JAKMIP2: variants seen among roughly 807,000 people sequenced by gnomAD.
JAKMIP2 encodes janus kinase and microtubule interacting protein 2.
Under a neutral mutation model 115.0 loss-of-function variants are expected in JAKMIP2, and 25 were observed. That is an observed-to-expected ratio of 0.22 (90% CI 0.16 to 0.30). The LOEUF (loss-of-function observed/expected upper bound fraction) is 0.30, where lower values mean the gene tolerates loss of function less well. Among genes scored for constraint, JAKMIP2 ranks in the 10% least tolerant of loss-of-function variants. The pLI is 1.00. For missense variants in JAKMIP2, 642 were observed against 957.6 expected, an observed-to-expected ratio of 0.67 and a Z score of 4.35; for synonymous variants, 334 against 343.6, an observed-to-expected ratio of 0.97 and a Z score of 0.31.
chr5:147,632,645 G>T lies in JAKMIP2; in HGVS notation c.1776+35C>A, dbSNP rs202019430. ...GTGCTCTGTGCATGTTAATCATTAC[G>T]ATTATTTTTATTATTATCATCATCA... On this transcript the variant is annotated intron_variant, in intron 13 of 21. Transcript: ENST00000616793. 5 of 1,316,426 alleles carry T rather than the reference G, an allele frequency of 3.8e-6. No homozygotes were observed. The South Asian group carries it at 4.8e-5, about 13-fold the overall frequency. The allele number at this position is 1,316,426 out of a possible 1,614,324, so 81.5% of individuals were successfully genotyped here. A position where few individuals can be genotyped will look rare whatever the true frequency, so the allele number is the denominator to read the frequency against.
intron 1 of JAKMIP2, among the ~76,000 whole-genome samples, chr5:147,684,741 G>A (rs917370629): frequency 6.6e-6 from 1 of 152,130 alleles, no homozygotes; most frequent in Admixed American, 6.5e-5. Flanking sequence ...GAAGAGGCAC[G>A]CTCTATTTTT....
intron 2 of JAKMIP2, among the ~76,000 whole-genome samples, chr5:147,664,145 C>T (rs1009138960): frequency 1.3e-4 from 20 of 152,236 alleles, no homozygotes; most frequent in African/African-American, 4.6e-4. Flanking sequence ...ATTTTAAATT[C>T]ACAGATATGG....
At chr5:147,649,551 T>C (rs1483616456) in intron 4 of JAKMIP2, among the ~76,000 whole-genome samples, 1 of 152,152 alleles carries the variant, frequency 6.6e-6, no homozygotes, top group Admixed American at 6.6e-5. Context: ...AACTATGCTA[T>C]ATTGCGGGTA....
At chr5:147,754,414 C>G (rs138426602) in intron 1 of JAKMIP2, among the ~76,000 whole-genome samples, 1 of 151,982 alleles carries the variant, frequency 6.6e-6, no homozygotes, top group Non-Finnish European at 1.5e-5. Flanking sequence ...AATAATATAT[C>G]GAGACACATG....
intron 1 of JAKMIP2, among the ~76,000 whole-genome samples, chr5:147,691,190 G>A (rs541607361): frequency 2.9e-4 from 44 of 151,956 alleles, no homozygotes; most frequent in Non-Finnish European, 5.4e-4. Flanking sequence ...AGAAAACACT[G>A]TTACCCATAA....
At chr5:147,731,492 G>C (rs2126969990) in intron 1 of JAKMIP2, among the ~76,000 whole-genome samples, 1 of 152,324 alleles carries the variant, frequency 6.6e-6, no homozygotes, top group East Asian at 1.9e-4. Flanking sequence ...GGCTTTTGCA[G>C]AAGTTGTGAA....
chr5:147,624,023 C>G (rs191292268), intron 16 of JAKMIP2, among the ~76,000 whole-genome samples: 17 of 151,930 alleles, frequency 1.1e-4, no homozygotes, highest in Non-Finnish European at 2.4e-4. Context: ...TTAGTAGAGA[C>G]GGGGTTTCAC....
At chr5:147,593,503 G>A (rs1358275256) in intron 21 of JAKMIP2, among the ~76,000 whole-genome samples, 1 of 152,194 alleles carries the variant, frequency 6.6e-6, no homozygotes, top group African/African-American at 2.4e-5. Flanking sequence ...AAGAGGAAGA[G>A]AAGAGGAAGA....
chr5:147,627,678 TAAAAAAAAAA>T (rs768481105), intron 16 of JAKMIP2, among the ~76,000 whole-genome samples: 1 of 70,322 alleles, frequency 1.4e-5, no homozygotes, highest in Admixed American at 2.3e-4. Context: ...AGCCTTTCTG[TAAAAAAAAAA>T]AAAAAAAAAA....
intron 15 of JAKMIP2, 21 bp from the exon 16 acceptor site, chr5:147,628,837 C>A: frequency 6.3e-7 from 1 of 1,591,878 alleles, no homozygotes. Flanking sequence ...TAAGAAAGGC[C>A]GTCAGCTGAA....
At chr5:147,603,456 AAG>A (rs1317540712) in intron 20 of JAKMIP2, among the ~76,000 whole-genome samples, 3 of 152,172 alleles carry the variant, frequency 2.0e-5, no homozygotes, top group Non-Finnish European at 4.4e-5. Flanking sequence ...ATAAACAATA[AAG>A]AGGGGATATT....
At chr5:147,718,805 G>C (rs1753130387) in intron 1 of JAKMIP2, among the ~76,000 whole-genome samples, 1 of 151,944 alleles carries the variant, frequency 6.6e-6, no homozygotes, top group Non-Finnish European at 1.5e-5. Flanking sequence ...CCAGCTCCTG[G>C]ATTCATTTAT....
rs759777426 is a variant in JAKMIP2, at chr5:147,641,703, A to G, written c.1281+5T>C. The G allele has an allele frequency of 6.2e-7, 1 of 1,607,008 alleles. No individual in the cohort carries two copies. The highest frequency in any genetic ancestry group is 8.5e-7 in the Non-Finnish European group (1 of 1,173,870). ...AAATGCCTGATAACTTTGATTTCTTATTACCTTAATTGGCTTGGAACTTCT... is the reference window on the plus strand; with the variant it reads ...AAATGCCTGATAACTTTGATTTCTTGTTACCTTAATTGGCTTGGAACTTCT... On this transcript the variant is annotated splice_donor_5th_base_variant and intron_variant, in intron 8 of 21. Transcript: ENST00000616793.
Position 147,686,526 on chromosome 5 carries a change from T to C in JAKMIP2, c.-148-14572A>G, listed in dbSNP as rs186829336. ...GAAGCAGGGATTTCCCTGGGCCTGT[T>C]CACCACTGTATCCGCAGTGCTTAGC... On this transcript the variant is annotated intron_variant, in intron 1 of 21. Coordinates refer to ENST00000616793, the MANE Select transcript of JAKMIP2 (RefSeq NM_001270941.2). 3.5e-3 allele frequency among the ~76,000 whole-genome samples: 537 copies of C among 152,302 alleles called. 3 individuals are homozygous for C. The highest frequency in any genetic ancestry group is 0.012 in the African/African-American group (499 of 41,564).
chr5:147,614,246 T>C (rs1485061326), intron 19 of JAKMIP2, among the ~76,000 whole-genome samples: 2 of 152,136 alleles, frequency 1.3e-5, no homozygotes, highest in Non-Finnish European at 2.9e-5. Context: ...CAGATCCAGA[T>C]GGAATAGCAA....
At chr5:147,592,524 G>T (rs114558152) in intron 21 of JAKMIP2, among the ~76,000 whole-genome samples, 27 of 152,248 alleles carry the variant, frequency 1.8e-4, no homozygotes, top group African/African-American at 5.8e-4. Flanking sequence ...AGGTCGTAAT[G>T]CTGTCTTCCA....
intron 1 of JAKMIP2, among the ~76,000 whole-genome samples, chr5:147,719,565 G>A (rs1313386574): frequency 6.6e-6 from 1 of 152,126 alleles, no homozygotes; most frequent in Non-Finnish European, 1.5e-5. Context: ...AGGATAGTTA[G>A]CTCTTCTTGT....
intron 18 of JAKMIP2, 103 bp from the exon 19 acceptor site, chr5:147,618,217 G>T: frequency 1.2e-6 from 1 of 817,768 alleles, no homozygotes; most frequent in Non-Finnish European, 2.1e-6. Context: ...CCAACTTTAG[G>T]CTTATAGGAT....
At chr5:147,727,348 C>A (rs753304272) in intron 1 of JAKMIP2, among the ~76,000 whole-genome samples, 11 of 152,174 alleles carry the variant, frequency 7.2e-5, no homozygotes, top group Non-Finnish European at 1.2e-4. Context: ...TCTGGTTTTA[C>A]ACTGATATAA....
Sources: allele counts gnomAD v4.1 joint callset (sites outside exome capture counted in the v4.1 genomes callset), GRCh38; gene constraint gnomAD v4.1.1; transcripts MANE v1.5; gene names NCBI Gene and HGNC (gene_info 2026-07-23, HGNC 2026-07-21).